FEZ1: variants seen among roughly 807,000 people sequenced by gnomAD.
FEZ1 encodes the protein fasciculation and elongation protein zeta 1, also known as fasciculation and elongation protein zeta-1.
Under a neutral mutation model 49.3 loss-of-function variants are expected in FEZ1, and 20 were observed. That is an observed-to-expected ratio of 0.41 (90% CI 0.29 to 0.59). The LOEUF is 0.59. FEZ1 is among the 20% of genes least tolerant of loss of function. The probability of loss-of-function intolerance (pLI) is 0.36; values close to 1 mark genes in which losing one functional copy is unlikely to be tolerated. For synonymous variants in FEZ1, 170 were observed against 180.9 expected (o/e 0.94, Z 0.48); for missense variants, 413 against 476.0 (o/e 0.87, Z 1.23).
At chr11:125,472,656 A>G (rs1386762502) in intron 3 of FEZ1, among the ~76,000 whole-genome samples, 2 of 152,110 alleles carry the variant, frequency 1.3e-5, no homozygotes, top group Admixed American at 6.6e-5. Context: ...AATAATACCA[A>G]TGTAATACAA....
intron 6 of FEZ1, 67 bp downstream of exon 6, chr11:125,455,768 T>C: frequency 6.6e-7 from 1 of 1,517,102 alleles, no homozygotes; most frequent in Non-Finnish European, 9.2e-7. Context: ...GCAGGGTTGG[T>C]AGGGCACTGA....
intron 1 of FEZ1, among the ~76,000 whole-genome samples, chr11:125,494,761 C>A (rs1168642357): frequency 1.3e-5 from 2 of 152,196 alleles, no homozygotes; most frequent in Non-Finnish European, 2.9e-5. Context: ...CGTCTCCCTG[C>A]AGCACAATGA....
intron 2 of FEZ1, 31 bp from the exon 3 acceptor site, chr11:125,481,664 A>C: frequency 6.8e-7 from 1 of 1,475,040 alleles, no homozygotes; most frequent in South Asian, 1.1e-5. Context: ...TCATTAACAC[A>C]CATCTGTGGC....
intron 4 of FEZ1, among the ~76,000 whole-genome samples, chr11:125,461,905 C>T (rs763576843): frequency 6.6e-6 from 1 of 152,222 alleles, no homozygotes; most frequent in Non-Finnish European, 1.5e-5. Context: ...CAGTCTTTGA[C>T]TACTGAAAGC....
rs541680089 is a variant in FEZ1 at position 125,485,780 on chromosome 11, C to CAAA, written c.311+3684_311+3686dup. ...GTGAAAACCCATGTCTACTAAAAGA[C>CAAA]AAAAAAAAAAAAAAAATTAGTCCGG... On this transcript the variant is annotated intron_variant, in intron 2 of 9. Transcript: ENST00000278919. 3.7e-3 allele frequency among the ~76,000 whole-genome samples: 428 copies of CAAA among 114,162 alleles called. 11 individuals are homozygous for CAAA. Among genetic ancestry groups the CAAA allele is most frequent in the Non-Finnish European group, 4.0e-3 (216 of 53,454 alleles). The allele number at this position is 114,162 out of a possible 152,430, so 74.9% of individuals were successfully genotyped here. A position where few individuals can be genotyped will look rare whatever the true frequency, so the allele number is the denominator to read the frequency against.
rs755994081 is a variant in FEZ1, at chr11:125,444,098, G to A, written c.*1997C>T. 3.0e-5 allele frequency among the ~76,000 whole-genome samples: 4 copies of A among 131,302 alleles called. No individual in the cohort carries two copies. The highest frequency in any genetic ancestry group is 2.5e-4 in the South Asian group (1 of 4,064). The allele number at this position is 131,302 out of a possible 152,430, so 86.1% of individuals were successfully genotyped here. ...TCAGCCTTAGCACCAGTGAACTGCC[G>A]AACTGAATCCATGCCCTTTTATCAC... On this transcript the variant is annotated 3_prime_UTR_variant, in exon 10 of 10. Coordinates refer to ENST00000278919, the MANE Select transcript of FEZ1 (RefSeq NM_005103.5).
chr11:125,454,465 C>A, intron 6 of FEZ1: 1 of 354,260 alleles, frequency 2.8e-6, no homozygotes, highest in Non-Finnish European at 5.0e-6. Context: ...CCCAGTTTTC[C>A]TCCTTTTATC....
chr11:125,459,719 A>G (rs2135749113), intron 5 of FEZ1, among the ~76,000 whole-genome samples: 1 of 152,354 alleles, frequency 6.6e-6, no homozygotes, highest in Admixed American at 6.5e-5. Context: ...GTGGCCTTGG[A>G]CAAGTCATGT....
chr11:125,454,662 C>T (rs1300941266), intron 6 of FEZ1, among the ~76,000 whole-genome samples: 1 of 151,860 alleles, frequency 6.6e-6, no homozygotes, highest in African/African-American at 2.4e-5. Context: ...TGTGATAGAG[C>T]CTAGGGAAAG....
chr11:125,474,102 G>T (rs1957206753), intron 3 of FEZ1, among the ~76,000 whole-genome samples: 1 of 150,582 alleles, frequency 6.6e-6, no homozygotes, highest in African/African-American at 2.4e-5. Flanking sequence ...TCAACCCACT[G>T]CAACCTCTGC....
At position 125,452,348 on chromosome 11, in the gene FEZ1, T is replaced by C. The variant is rs1378970818; in HGVS notation, c.1082A>G (p.Gln361Arg). 9.9e-6 allele frequency: 16 copies of C among 1,610,626 alleles called. No homozygotes were observed. Among genetic ancestry groups the C allele is most frequent in the African/African-American group, 1.3e-5 (1 of 74,868 alleles). The change falls in exon 8 of 10, where the codon CAG (glutamine) becomes CGG (arginine). Residue 361 changes from glutamine (Q) to arginine (R), a missense_variant. By Grantham distance (43) the Gln-to-Arg change is conservative (BLOSUM62 1). Transcript: ENST00000278919. ...KASPPSVEDLQMLTNILFAMK... is the reference protein window; with the variant it reads ...KASPPSVEDLRMLTNILFAMK... Reference sequence around the variant, plus strand: ...GAGGAACTCACTGTTTGTCAGCATCTGCAGGTCTTCCACTGAGGGAGGAGA... The same window carrying C: ...GAGGAACTCACTGTTTGTCAGCATCCGCAGGTCTTCCACTGAGGGAGGAGA...
At chr11:125,452,122 A>C (rs1956963586) in intron 8 of FEZ1, among the ~76,000 whole-genome samples, 1 of 152,212 alleles carries the variant, frequency 6.6e-6, no homozygotes, top group African/African-American at 2.4e-5. Flanking sequence ...CCCTTATGGG[A>C]ACCAGGAGAA....
intron 3 of FEZ1, among the ~76,000 whole-genome samples, chr11:125,469,406 A>ATGCCAC (rs1165222667): frequency 6.6e-6 from 1 of 152,188 alleles, no homozygotes; most frequent in East Asian, 1.9e-4. Flanking sequence ...CTACTGGCGC[A>ATGCCAC]TGCCACCATG....
chr11:125,475,391 A>G (rs181105757), intron 3 of FEZ1, among the ~76,000 whole-genome samples: 115 of 152,248 alleles, frequency 7.6e-4, no homozygotes, highest in Non-Finnish European at 9.4e-4. Flanking sequence ...ATAAGGTATC[A>G]ATTTTGTTAC....
intron 3 of FEZ1, among the ~76,000 whole-genome samples, chr11:125,472,213 C>T (rs1957190300): frequency 6.6e-6 from 1 of 151,636 alleles, no homozygotes. Flanking sequence ...AAATTAAACT[C>T]CTACTAAGTA....
chr11:125,458,951 A>C (rs1957045189), intron 5 of FEZ1, among the ~76,000 whole-genome samples: 1 of 152,156 alleles, frequency 6.6e-6, no homozygotes, highest in Non-Finnish European at 1.5e-5. Flanking sequence ...CTGTAATCCC[A>C]GCTACTCGGG....
chr11:125,464,402 T>A (rs142989850), intron 3 of FEZ1, among the ~76,000 whole-genome samples: 4 of 152,354 alleles, frequency 2.6e-5, no homozygotes, highest in African/African-American at 9.6e-5. Context: ...ACAAGCTGTA[T>A]GTCTAGAAGT....
intron 1 of FEZ1, among the ~76,000 whole-genome samples, chr11:125,490,208 C>T (rs1433291839): frequency 1.3e-5 from 2 of 152,142 alleles, no homozygotes. Context: ...ATTACTATTA[C>T]CACAGATCCA....
chr11:125,455,844 C>T lies in FEZ1; in HGVS notation c.930G>A (p.Met310Ile). The T allele has an allele frequency of 6.2e-7, 1 of 1,614,062 alleles. No homozygotes were observed. The highest frequency in any genetic ancestry group is 8.5e-7 in the Non-Finnish European group (1 of 1,180,008). ...CTGGTTGTTCACCTACCTTGAGAGG[C>T]ATCTGGTTTCCCTTCTCTATCCGGC... Reference protein sequence around the residue: ...QSSRIEKGNQMPLKRFSMEGI... With the variant: ...QSSRIEKGNQIPLKRFSMEGI... Residue 310 changes from methionine to isoleucine, a missense_variant, in exon 6 of 10, where the codon ATG becomes ATA. Met to Ile is a conservative substitution (Grantham distance 10, BLOSUM62 1). Coordinates refer to ENST00000278919, the MANE Select transcript of FEZ1 (RefSeq NM_005103.5).
Sources: allele counts gnomAD v4.1 joint callset (sites outside exome capture counted in the v4.1 genomes callset), GRCh38; gene constraint gnomAD v4.1.1; transcripts MANE v1.5; gene names NCBI Gene and HGNC (gene_info 2026-07-23, HGNC 2026-07-21).